AGAP3: variants seen among roughly 807,000 people sequenced by gnomAD.
AGAP3 encodes arf-GAP with GTPase, ANK repeat and PH domain-containing protein 3.
A neutral mutation model predicts 96.9 loss-of-function variants in AGAP3; 24 were observed. The ratio of observed to expected loss-of-function variants is 0.25; its 90% CI spans 0.18 to 0.35. The LOEUF is 0.35. Ranked by LOEUF, AGAP3 falls within the 10% of genes least tolerant of loss-of-function variation. AGAP3 has a pLI of 1.00. For synonymous variants in AGAP3, 563 were observed against 536.1 expected (o/e 1.05, Z -0.69); for missense variants, 876 against 1,254.2 (o/e 0.70, Z 4.55).
intron 1 of AGAP3, chr7:151,115,513 G>T (rs902774004): frequency 1.1e-4 from 118 of 1,030,764 alleles, no homozygotes; most frequent in Non-Finnish European, 1.7e-5. Context: ...GAGCCCGGCC[G>T]CCCCCGCACC....
chr7:151,123,533 G>A, intron 8 of AGAP3: 1 of 1,286,198 alleles, frequency 7.8e-7, no homozygotes. Flanking sequence ...TGCTCCTCGC[G>A]CCCTCGGCCT....
chr7:151,088,520 G>A (rs1798249926), intron 1 of AGAP3, among the ~76,000 whole-genome samples: 1 of 152,224 alleles, frequency 6.6e-6, no homozygotes, highest in Non-Finnish European at 1.5e-5. Context: ...GGTGGAGGCG[G>A]GAGAGACATC....
rs1800835935 is a variant in AGAP3, at chr7:151,142,099, G to A, written c.1959+47G>A. On this transcript the variant is annotated intron_variant, in intron 14 of 17. Transcript: ENST00000397238. This position sits in a 1 kb window ranked among gnomAD's most constrained non-coding sequence, Gnocchi z 7.5. ...CCACACAGAGCACCTGGCTGGGGTG[G>A]GACTGAAAGGGGCCTCATGACTGAC... The A allele has an allele frequency of 2.5e-6, 4 of 1,607,378 alleles. No homozygotes were observed. Among genetic ancestry groups the A allele is most frequent in the Non-Finnish European group, 3.4e-6 (4 of 1,175,292 alleles).
chr7:151,123,522 G>A (rs919281948), intron 8 of AGAP3: 6 of 1,267,660 alleles, frequency 4.7e-6, no homozygotes, highest in African/African-American at 3.0e-5. Context: ...CGCCCCGGGC[G>A]TGCTCCTCGC....
intron 1 of AGAP3, among the ~76,000 whole-genome samples, chr7:151,113,831 G>C (rs776198874): frequency 3.9e-5 from 6 of 152,216 alleles, no homozygotes; most frequent in Non-Finnish European, 5.9e-5. Flanking sequence ...TGGGTGTCCA[G>C]GCAGCCCACA....
At chr7:151,138,757 G>A (rs192706723) in intron 12 of AGAP3, among the ~76,000 whole-genome samples, 3 of 152,302 alleles carry the variant, frequency 2.0e-5, no homozygotes, top group Non-Finnish European at 4.4e-5. Context: ...GAGGCTGGGC[G>A]CTCTAAGCCA....
intron 1 of AGAP3, among the ~76,000 whole-genome samples, chr7:151,097,967 G>C (rs768566304): frequency 2.6e-5 from 4 of 152,160 alleles, no homozygotes; most frequent in Middle Eastern, 3.2e-3. Flanking sequence ...TTGACACCCA[G>C]CGCCTCCGCA....
At position 151,086,949 on chromosome 7, in the gene AGAP3, C is replaced by T. The variant is rs1157582823; in HGVS notation, c.208C>T (p.Arg70Trp). 1.9e-6 allele frequency: 3 copies of T among 1,611,208 alleles called. No homozygotes were observed. Among genetic ancestry groups the T allele is most frequent in the Non-Finnish European group, 2.5e-6 (3 of 1,178,940 alleles). Residue 70 changes from arginine (R) to tryptophan (W), a missense_variant, in exon 1 of 18, where the codon CGG becomes TGG. By Grantham distance (101) the Arg-to-Trp change is moderately radical. This residue lies in a region of AGAP3 where 62 missense variants were observed against 82.8 expected (regional missense o/e 0.75). Transcript: ENST00000397238. Reference sequence around the variant, plus strand: ...CGCGCTCTCCAACTCCGCGGCCATCCGGGCCGAGATCCAGCGCTTCGAGTC... The same window carrying T: ...CGCGCTCTCCAACTCCGCGGCCATCTGGGCCGAGATCCAGCGCTTCGAGTC... Reference protein sequence around the residue: ...QFALSNSAAIRAEIQRFESVH... With the variant: ...QFALSNSAAIWAEIQRFESVH...
Position 151,143,500 on chromosome 7 carries a change from G to C in AGAP3, c.2433G>C (p.Glu811Asp), listed in dbSNP as rs1220932345. The change falls in exon 17 of 18, where the codon GAG becomes GAC. Residue 811 changes from glutamate to aspartate, a missense_variant. By Grantham distance (45) the Glu-to-Asp change is conservative. Around this residue, in one of 8 missense-constraint regions of AGAP3, gnomAD observed 213 missense variants for 253.8 expected, o/e 0.84. Transcript: ENST00000397238. This position sits in a 1 kb window ranked among gnomAD's most constrained non-coding sequence, Gnocchi z 5.9. Reference sequence around the variant, plus strand: ...TGCTCCTGGCACATGGCTCCAAAGAGGAGGTGAATGAGACCTATGGGGACG... The same window carrying C: ...TGCTCCTGGCACATGGCTCCAAAGACGAGGTGAATGAGACCTATGGGGACG... ...LVMLLAHGSK[E>D]EVNETYGDGD... The C allele has an allele frequency of 6.2e-7, 1 of 1,614,242 alleles. No homozygotes were observed. The highest frequency in any genetic ancestry group is 1.7e-5 in the Admixed American group (1 of 60,030).
intron 1 of AGAP3, among the ~76,000 whole-genome samples, chr7:151,097,158 A>G (rs1798637404): frequency 6.6e-6 from 1 of 152,194 alleles, no homozygotes; most frequent in Non-Finnish European, 1.5e-5. Context: ...AATATATTTT[A>G]TTTAACCCAG....
chr7:151,133,568 C>T lies in AGAP3; in HGVS notation c.1327-832C>T, dbSNP rs1202252829. Among the ~76,000 whole-genome samples the T allele has an allele frequency of 6.6e-6, 1 of 152,130 alleles. No individual in the cohort carries two copies. The highest frequency in any genetic ancestry group is 2.4e-5 in the African/African-American group (1 of 41,434). On this transcript the variant is annotated intron_variant, in intron 10 of 17. Transcript: ENST00000397238. The surrounding 1 kb of genome is among the most constrained non-coding windows in gnomAD (Gnocchi z 5.4). ...CAGGACAGGCTGGAGGAAGCCTGCA[C>T]ACAGGGCACAGGCTTGGGAATCTGA...
Position 151,143,875 on chromosome 7 carries a change from C to G in AGAP3, c.2668C>G (p.Pro890Ala). The G allele has an allele frequency of 1.2e-6, 2 of 1,614,002 alleles. No homozygotes were observed. The highest frequency in any genetic ancestry group is 1.7e-6 in the Non-Finnish European group (2 of 1,180,016). Residue 890 changes from proline (P) to alanine (A), a missense_variant, in exon 18 of 18, where the codon CCC becomes GCC. This residue lies in a region of AGAP3 where 213 missense variants were observed against 253.8 expected (regional missense o/e 0.84). Coordinates refer to ENST00000397238, the MANE Select transcript of AGAP3 (RefSeq NM_031946.7). The surrounding 1 kb of genome is among the most constrained non-coding windows in gnomAD (Gnocchi z 5.9). ...PGEGCGLAPT[P>A]NREPANGTNP... ...GGAGGGCTGTGGCTTAGCGCCTACC[C>G]CCAACAGAGAGCCTGCCAATGGCAC...
At chr7:151,109,903 G>A (rs982370672) in intron 1 of AGAP3, among the ~76,000 whole-genome samples, 34 of 152,212 alleles carry the variant, frequency 2.2e-4, no homozygotes, top group Non-Finnish European at 4.4e-4. Context: ...CCCGCTGCAC[G>A]CCAGGCACCA....
Position 151,134,544 on chromosome 7 carries a change from A to T in AGAP3, c.1471A>T (p.Asn491Tyr). 1 of 1,612,310 alleles carries T rather than the reference A, an allele frequency of 6.2e-7. No homozygotes were observed. Among genetic ancestry groups the T allele is most frequent in the Non-Finnish European group, 8.5e-7 (1 of 1,179,556 alleles). Residue 491 changes from asparagine to tyrosine, a missense_variant, in exon 11 of 18, where the codon AAC becomes TAC. This residue lies in a region of AGAP3 where 155 missense variants were observed against 144.4 expected (regional missense o/e 1.07). Coordinates refer to ENST00000397238, the MANE Select transcript of AGAP3 (RefSeq NM_031946.7). ...RANGLSVERS[N>Y]TQLGGGTGAP... ...CAACGGGCTGTCCGTGGAGCGGAGT[A>T]ACACACAGCTGGGTGGGGGCACAGG...
At chr7:151,137,078 C>T (rs964069945) in intron 11 of AGAP3, among the ~76,000 whole-genome samples, 24 of 152,218 alleles carry the variant, frequency 1.6e-4, no homozygotes, top group African/African-American at 4.8e-4. Context: ...TGCCTTTGGG[C>T]GTCTCCCAGC....
rs372630570 is a variant in AGAP3, at chr7:151,140,086, C to T, written c.1774C>T (p.Arg592Ter). The stretch of plus-strand genomic sequence containing the variant: ...GAGGAAAAAGAGCACCGGGACCCCC[C>T]GACCAGACGGCCCCAGCAGTGCTAC... ...HRRKKSTGTP[R>*]PDGPSSATEE... Residue 592 changes from arginine to a stop codon, truncating the protein, a stop_gained, in exon 13 of 18, where the codon CGA becomes TGA. Coordinates refer to ENST00000397238, the MANE Select transcript of AGAP3 (RefSeq NM_031946.7). LOFTEE classifies it high-confidence loss of function. The surrounding 1 kb of genome is among the most constrained non-coding windows in gnomAD (Gnocchi z 5.4). 1.4e-5 allele frequency: 22 copies of T among 1,603,766 alleles called. No individual in the cohort carries two copies. The highest frequency in any genetic ancestry group is 5.4e-5 in the African/African-American group (4 of 74,468).
At chr7:151,110,849 C>T (rs902220325) in intron 1 of AGAP3, among the ~76,000 whole-genome samples, 1 of 152,108 alleles carries the variant, frequency 6.6e-6, no homozygotes, top group African/African-American at 2.4e-5. Flanking sequence ...AGGCTTTTGG[C>T]TTGTGCGGCT....
chr7:151,118,023 C>CTTGCTGG lies in AGAP3; in HGVS notation c.707-184_707-178dup. 1 of 904,888 alleles carries CTTGCTGG rather than the reference C, an allele frequency of 1.1e-6. No individual in the cohort carries two copies. The highest frequency in any genetic ancestry group is 2.7e-5 in the East Asian group (1 of 37,376). The allele number at this position is 904,888 out of a possible 1,614,324, so 56.1% of individuals were successfully genotyped here. A position where few individuals can be genotyped will look rare whatever the true frequency, so the allele number is the denominator to read the frequency against. ...AATAAACGTGCTCAGAGCTTAAGTG[C>CTTGCTGG]TTGCTGGTTTGCACTCAGTGAGGCC... On this transcript the variant is annotated intron_variant, in intron 5 of 17. Transcript: ENST00000397238. This position sits in a 1 kb window ranked among gnomAD's most constrained non-coding sequence, Gnocchi z 6.1.
chr7:151,124,426 T>C lies in AGAP3; in HGVS notation c.1221+540T>C, dbSNP rs570252391. 5.9e-5 allele frequency among the ~76,000 whole-genome samples: 9 copies of C among 152,372 alleles called. No homozygotes were observed. The East Asian group carries it at 1.7e-3, about 29-fold the overall frequency. ...CACCTCCGGTCTTGGATTCCTGCAG[T>C]GGACACGGCATTGCCCCACGGAGGG... On this transcript the variant is annotated intron_variant, in intron 9 of 17. Transcript: ENST00000397238.
Sources: allele counts gnomAD v4.1 joint callset (sites outside exome capture counted in the v4.1 genomes callset), GRCh38; gene constraint gnomAD v4.1.1; regional missense constraint gnomAD v4.1.1; non-coding constraint Gnocchi (gnomAD v3.1); transcripts MANE v1.5; gene names NCBI Gene and HGNC (gene_info 2026-07-23, HGNC 2026-07-21).